The following SYNE4 variants were observed in gnomAD, a reference collection of about 807,000 sequenced individuals.
SYNE4 encodes nesprin-4.
Under a neutral mutation model 46.9 loss-of-function variants are expected in SYNE4, and 41 were observed. That is an observed-to-expected ratio of 0.87 (90% CI 0.68 to 1.13). SYNE4 has a LOEUF of 1.13. Among genes scored for constraint, SYNE4 ranks in the 50% most tolerant of loss-of-function variants. The probability of loss-of-function intolerance (pLI) is 0.00; values close to 1 mark genes in which losing one functional copy is unlikely to be tolerated. For synonymous variants in SYNE4, 221 were observed against 219.5 expected (o/e 1.01, Z -0.06); for missense variants, 492 against 514.8 (o/e 0.96, Z 0.43).
rs73607773 is a variant in SYNE4 at position 36,007,185 on chromosome 19, C to T, written c.363G>A (p.Gln121=). ...AGTGCCCCAGGCCTTGCTCCAGGTC[C>T]TGCAGCCGGCGGCCCAGCCCCAGCA... ...LCLLGLGRRL[Q]DLEQGLGHWA... Residue 121 remains glutamine (Q), a synonymous_variant, in exon 3 of 8, where the codon CAG becomes CAA. Transcript: ENST00000324444. 1.6e-3 allele frequency: 2,500 copies of T among 1,585,708 alleles called. 33 individuals carry two copies. The African/African-American group carries it at 0.03, about 19-fold the overall frequency.
chr19:36,005,776 T>C lies in SYNE4; in HGVS notation c.868-339A>G, dbSNP rs898884087. 5 of 200,564 alleles carry C rather than the reference T, an allele frequency of 2.5e-5. No homozygotes were observed. The East Asian group carries it at 6.0e-4, about 24-fold the overall frequency. The allele number at this position is 200,564 out of a possible 1,614,324, so 12.4% of individuals were successfully genotyped here. On this transcript the variant is annotated intron_variant, in intron 5 of 7. Coordinates refer to ENST00000324444, the MANE Select transcript of SYNE4 (RefSeq NM_001039876.3). ...GCTTATGCCTGTAATCCCAGCACTT[T>C]GGGAGGCCAAGGCAGGCGGATCACC...
In SYNE4 at chr19:36,007,226, T is replaced by C; in HGVS notation, c.322A>G (p.Ser108Gly). 7 of 1,592,886 alleles carry C rather than the reference T, an allele frequency of 4.4e-6. No homozygotes were observed. Among genetic ancestry groups the C allele is most frequent in the Non-Finnish European group, 6.0e-6 (7 of 1,170,352 alleles). The change falls in exon 3 of 8, where the codon AGC (serine) becomes GGC (glycine). Residue 108 changes from serine to glycine, a missense_variant. Ser to Gly is a moderately conservative substitution (Grantham distance 56). Coordinates refer to ENST00000324444, the MANE Select transcript of SYNE4 (RefSeq NM_001039876.3). Reference sequence around the variant, plus strand: ...AGCCCCAGCAGGCACAGGTGCAGGCTGTTCTGCTCAGCCTCTAGTACCTCC... The same window carrying C: ...AGCCCCAGCAGGCACAGGTGCAGGCCGTTCTGCTCAGCCTCTAGTACCTCC... ...GLEVLEAEQN[S>G]LHLCLLGLGR...
Position 36,006,730 on chromosome 19 carries a change from G to T in SYNE4, c.618+20C>A, listed in dbSNP as rs780081494. 1 of 1,594,970 alleles carries T rather than the reference G, an allele frequency of 6.3e-7. No individual in the cohort carries two copies. Among genetic ancestry groups the T allele is most frequent in the Non-Finnish European group, 8.6e-7 (1 of 1,169,044 alleles). ...AGGTTGGGGCCTGGGTTGGGTGGGG[G>T]GTATCAAGATGGGCCCTACCAGGCT... On this transcript the variant is annotated intron_variant, in intron 4 of 7. Coordinates refer to ENST00000324444, the MANE Select transcript of SYNE4 (RefSeq NM_001039876.3).
At chr19:36,007,336 A>C in intron 2 of SYNE4, 68 bp from the exon 3 acceptor site, 2 of 1,468,590 alleles carry the variant, frequency 1.4e-6, no homozygotes, top group Admixed American at 2.5e-5. Flanking sequence ...TCCCATCCCC[A>C]CCCCTCTTCT....
chr19:36,008,113 A>T, intron 2 of SYNE4, 104 bp downstream of exon 2: 1 of 1,427,348 alleles, frequency 7.0e-7, no homozygotes, highest in Non-Finnish European at 9.2e-7. Context: ...CAGACACCCA[A>T]CACCTTTCCA....
At position 36,006,486 on chromosome 19, in the gene SYNE4, T is replaced by C; in HGVS notation, c.804A>G (p.Thr268=). 6.2e-7 allele frequency: 1 copy of C among 1,611,886 alleles called. No individual in the cohort carries two copies. Among genetic ancestry groups the C allele is most frequent in the Non-Finnish European group, 8.5e-7 (1 of 1,179,074 alleles). Residue 268 remains threonine (T), a synonymous_variant, in exon 5 of 8, where the codon ACA becomes ACG. Transcript: ENST00000324444. Reference sequence around the variant, plus strand: ...CACACAGCTCACAGGGCACTCCTAGTGTCCGGGCTGTCTTTTGTCCCAAGG... The same window carrying C: ...CACACAGCTCACAGGGCACTCCTAGCGTCCGGGCTGTCTTTTGTCCCAAGG... ...LGPLGQKTAR[T]LGVPCELCGQ... is the part of the protein sequence containing the mutation.
chr19:36,006,950 G>T lies in SYNE4; in HGVS notation c.424-6C>A. The T allele has an allele frequency of 6.5e-7, 1 of 1,542,776 alleles. No individual in the cohort carries two copies. The highest frequency in any genetic ancestry group is 8.8e-7 in the Non-Finnish European group (1 of 1,142,760). On this transcript the variant is annotated splice_polypyrimidine_tract_variant and splice_region_variant and intron_variant, in intron 3 of 7. Coordinates refer to ENST00000324444, the MANE Select transcript of SYNE4 (RefSeq NM_001039876.3). ...CGTAGGTCCACCTGGAGGGCCTGGG[G>T]ACATATGGACATCACCCCACGCACA...
Position 36,005,447 on chromosome 19 carries a change from C to G in SYNE4, c.868-10G>C, listed in dbSNP as rs758299467. Reference sequence around the variant, plus strand: ...GAGAGGTGTCTGCTTCCTGGAGAACCAGCAACAAAGAAAAACGTGGTTGGG... The same window carrying G: ...GAGAGGTGTCTGCTTCCTGGAGAACGAGCAACAAAGAAAAACGTGGTTGGG... On this transcript the variant is annotated splice_polypyrimidine_tract_variant and intron_variant, in intron 5 of 7. Transcript: ENST00000324444. 3.7e-6 allele frequency: 6 copies of G among 1,613,548 alleles called. No individual in the cohort carries two copies. The highest frequency in any genetic ancestry group is 5.1e-6 in the Non-Finnish European group (6 of 1,179,808).
At chr19:36,008,430 C>G in intron 1 of SYNE4, 63 bp from the exon 2 acceptor site, 1 of 1,578,662 alleles carries the variant, frequency 6.3e-7, no homozygotes, top group Non-Finnish European at 8.6e-7. Flanking sequence ...CTACCGTCAC[C>G]CCAACCCTGG....
At chr19:36,004,648 A>G (rs546332350) in intron 6 of SYNE4, among the ~76,000 whole-genome samples, 31 of 152,248 alleles carry the variant, frequency 2.0e-4, no homozygotes, top group Admixed American at 1.2e-3. Flanking sequence ...GGTTTATTCA[A>G]GGTGCAGCCC....
In SYNE4 at chr19:36,008,237, C is replaced by T. The variant is rs764697350; in HGVS notation, c.259G>A (p.Ala87Thr). The change falls in exon 2 of 8, where the codon GCT (alanine) becomes ACT (threonine). Residue 87 changes from alanine (A) to threonine (T), a missense_variant. By Grantham distance (58) the Ala-to-Thr change is moderately conservative. Transcript: ENST00000324444. The stretch of plus-strand genomic sequence containing the variant: ...CTCACCTCACAGTGTTTGCCCCCAG[C>T]TGGGTCCTCGTAGGAAGAGGGTGTT... ...WSTPSSYEDPAGGKHCEHPIS... is the reference protein window; with the variant it reads ...WSTPSSYEDPTGGKHCEHPIS... 5 of 1,610,990 alleles carry T rather than the reference C, an allele frequency of 3.1e-6. No homozygotes were observed. In the Admixed American group the frequency reaches 6.7e-5, roughly 22 times the overall value.
At chr19:36,007,580 G>A (rs1371191194) in intron 2 of SYNE4, 1 of 985,228 alleles carries the variant, frequency 1.0e-6, no homozygotes, top group Non-Finnish European at 1.2e-6. Context: ...CAGGAGCAAT[G>A]ATGAAATGCT....
intron 6 of SYNE4, among the ~76,000 whole-genome samples, chr19:36,004,346 TTACCC>T (rs1414856601): frequency 8.5e-5 from 13 of 152,168 alleles, no homozygotes; most frequent in African/African-American, 3.1e-4. Context: ...TGTGTCACCT[TTACCC>T]TACTACGATA....
At position 36,008,030 on chromosome 19, in the gene SYNE4, AAAAG is replaced by A. The variant is rs367971989; in HGVS notation, c.279+183_279+186del. ...ACAGAGAGACTCCATCTCAAAAAAAAAAAGAAAGAAAGAAATACGTCTCCCCAGT... is the reference window on the plus strand; with the variant it reads ...ACAGAGAGACTCCATCTCAAAAAAAAAAAGAAAGAAATACGTCTCCCCAGT... On this transcript the variant is annotated intron_variant, in intron 2 of 7. Transcript: ENST00000324444. 1.4e-3 allele frequency among the ~76,000 whole-genome samples: 216 copies of A among 152,126 alleles called. 1 individual carries two copies. Among genetic ancestry groups the A allele is most frequent in the African/African-American group, 4.8e-3 (200 of 41,514 alleles).
chr19:36,005,008 C>T (rs892959169), intron 6 of SYNE4, among the ~76,000 whole-genome samples: 34 of 150,598 alleles, frequency 2.3e-4, no homozygotes, highest in African/African-American at 8.3e-4. Context: ...GCTGGGATTA[C>T]AGGCATGCGC....
At chr19:36,004,854 ATTTC>A (rs1392945883) in intron 6 of SYNE4, among the ~76,000 whole-genome samples, 5 of 94,086 alleles carry the variant, frequency 5.3e-5, no homozygotes, top group Non-Finnish European at 1.2e-4. Context: ...CCCTGATGTT[ATTTC>A]TTTCTTTCTT....
rs370908560 is a variant in SYNE4, at chr19:36,008,276, G to T, written c.220C>A (p.Pro74Thr). 6.9e-6 allele frequency: 11 copies of T among 1,603,630 alleles called. No individual in the cohort carries two copies. In the African/African-American group the frequency reaches 1.2e-4, roughly 18 times the overall value. The change falls in exon 2 of 8, where the codon CCC (proline) becomes ACC (threonine). Residue 74 changes from proline to threonine, a missense_variant. Coordinates refer to ENST00000324444, the MANE Select transcript of SYNE4 (RefSeq NM_001039876.3). The stretch of plus-strand genomic sequence containing the variant: ...GAAGAGGGTGTTGACCATCTCGGGG[G>T]GTGAGCGGCAGGCTCATTGCCCCTT... ...GPRGNEPAAH[P>T]PRWSTPSSYE...
chr19:36,007,274 G>A lies in SYNE4; in HGVS notation c.280-6C>T. ...TCCAGGCCAGAAATGGGGTGCTGGG[G>A]AACACAGGAGCCAGGTCAGGGCCAG... On this transcript the variant is annotated splice_polypyrimidine_tract_variant and splice_region_variant and intron_variant, in intron 2 of 7. Transcript: ENST00000324444. The A allele has an allele frequency of 6.3e-7, 1 of 1,594,390 alleles. No individual in the cohort carries two copies. Among genetic ancestry groups the A allele is most frequent in the Non-Finnish European group, 8.5e-7 (1 of 1,169,972 alleles).
chr19:36,007,009 C>T (rs879665869), intron 3 of SYNE4, 65 bp from the exon 4 acceptor site: 1 of 1,532,714 alleles, frequency 6.5e-7, no homozygotes. Flanking sequence ...TTACCCCCCT[C>T]CCCCATTTCC....
Sources: allele counts gnomAD v4.1 joint callset (sites outside exome capture counted in the v4.1 genomes callset), GRCh38; gene constraint gnomAD v4.1.1; transcripts MANE v1.5; gene names NCBI Gene and HGNC (gene_info 2026-07-23, HGNC 2026-07-21).